Variants in LEP observed in about 807,000 individuals in gnomAD.
LEP encodes the protein leptin.
LEP carries 6 observed loss-of-function variants against 9.8 expected under a neutral mutation model. That is an observed-to-expected ratio of 0.61 (90% CI 0.34 to 1.21). The LOEUF (loss-of-function observed/expected upper bound fraction) is 1.21, where lower values mean the gene tolerates loss of function less well. LEP is among the 50% of genes most tolerant of loss of function. The pLI is 0.04. For synonymous variants in LEP, 112 were observed against 81.7 expected (o/e 1.37, Z -2.00); for missense variants, 134 against 198.1 (o/e 0.68, Z 1.94).
rs2116232347 is a variant in LEP at position 128,256,173 on chromosome 7, G to A, written c.*1410G>A. 6.6e-6 allele frequency: 1 copy of A among 152,396 alleles called. No individual in the cohort carries two copies. The highest frequency in any genetic ancestry group is 2.4e-5 in the African/African-American group (1 of 41,586). 9.4% of individuals were successfully genotyped at this position (152,396 alleles called of 1,614,324 possible). On this transcript the variant is annotated 3_prime_UTR_variant, in exon 3 of 3. Coordinates refer to ENST00000308868, the MANE Select transcript of LEP (RefSeq NM_000230.3). Reference sequence around the variant, plus strand: ...AGTGGTGAAGAAAACTCCTTTAGCAGGTGGTCCTGAGACCTGACAAGCACT... The same window carrying A: ...AGTGGTGAAGAAAACTCCTTTAGCAAGTGGTCCTGAGACCTGACAAGCACT...
rs1426080291 is a variant in LEP, at chr7:128,241,298, G to T, written c.-37G>T. The T allele has an allele frequency of 9.1e-5, 14 of 154,176 alleles. No individual in the cohort carries two copies. The allele number at this position is 154,176 out of a possible 1,614,324, so 9.6% of individuals were successfully genotyped here. Reference sequence around the variant, plus strand: ...GCCCCGTAGGAATCGCAGCGCCAGCGGTTGCAAGGTAAGGCCCCGGCGCGC... The same window carrying T: ...GCCCCGTAGGAATCGCAGCGCCAGCTGTTGCAAGGTAAGGCCCCGGCGCGC... On this transcript the variant is annotated 5_prime_UTR_variant, in exon 1 of 3. Transcript: ENST00000308868.
rs1314727911 is a variant in LEP, at chr7:128,254,936, T to A, written c.*173T>A. 1 of 710,812 alleles carries A rather than the reference T, an allele frequency of 1.4e-6. No homozygotes were observed. The highest frequency in any genetic ancestry group is 1.8e-5 in the African/African-American group (1 of 56,482). The allele number at this position is 710,812 out of a possible 1,614,324, so 44.0% of individuals were successfully genotyped here. A position where few individuals can be genotyped will look rare whatever the true frequency, so the allele number is the denominator to read the frequency against. The stretch of plus-strand genomic sequence containing the variant: ...AGGCATAAGACCCTAAGCCTCCTTT[T>A]GCTTGAAACCAAAGATATATACACA... On this transcript the variant is annotated 3_prime_UTR_variant, in exon 3 of 3. Transcript: ENST00000308868.
intron 1 of LEP, among the ~76,000 whole-genome samples, 178 bp downstream of exon 1, chr7:128,241,484 G>A (rs1399446231): frequency 2.0e-5 from 3 of 152,246 alleles, no homozygotes; most frequent in Non-Finnish European, 2.9e-5. Flanking sequence ...GTTACCGGGA[G>A]CTGGGGAGCG....
At chr7:128,247,670 T>C (rs913101171) in intron 1 of LEP, among the ~76,000 whole-genome samples, 1 of 152,208 alleles carries the variant, frequency 6.6e-6, no homozygotes, top group African/African-American at 2.4e-5. Context: ...ATCTCCTCCA[T>C]GATGCCTCCC....
intron 1 of LEP, among the ~76,000 whole-genome samples, chr7:128,248,438 GA>G (rs111544798): frequency 0.01 from 1,433 of 137,104 alleles, 20 homozygotes; most frequent in African/African-American, 0.032. Flanking sequence ...GTCTAAAAAA[GA>G]AAAAAAAAAA....
intron 2 of LEP, among the ~76,000 whole-genome samples, chr7:128,253,800 C>T (rs1215868470): frequency 1.3e-5 from 2 of 152,210 alleles, no homozygotes; most frequent in Non-Finnish European, 2.9e-5. Context: ...TGATAGATCC[C>T]GAGTGCCCCA....
chr7:128,255,895 A>C lies in LEP; in HGVS notation c.*1132A>C, dbSNP rs200020946. 1.3e-5 allele frequency: 2 copies of C among 152,216 alleles called. No individual in the cohort carries two copies. Among genetic ancestry groups the C allele is most frequent in the Non-Finnish European group, 2.9e-5 (2 of 68,040 alleles). The allele number at this position is 152,216 out of a possible 1,614,324, so 9.4% of individuals were successfully genotyped here. A position where few individuals can be genotyped will look rare whatever the true frequency, so the allele number is the denominator to read the frequency against. ...GAAAGCCATTTGTTGGGGCAGTGGT[A>C]AGCTCTGGCTTTCTCCGACTGCTAG... On this transcript the variant is annotated 3_prime_UTR_variant, in exon 3 of 3. Coordinates refer to ENST00000308868, the MANE Select transcript of LEP (RefSeq NM_000230.3).
At chr7:128,251,910 TG>T in intron 1 of LEP, 80 bp from the exon 2 acceptor site, 1 of 1,129,622 alleles carries the variant, frequency 8.9e-7, no homozygotes, top group Non-Finnish European at 1.4e-6. Flanking sequence ...CATCCCCGTC[TG>T]GTAATGTGGT....
intron 1 of LEP, among the ~76,000 whole-genome samples, chr7:128,244,391 A>G (rs1326070658): frequency 2.0e-5 from 3 of 152,224 alleles, no homozygotes; most frequent in Non-Finnish European, 2.9e-5. Context: ...TCTGCTGGTT[A>G]CATATGTTAA....
rs189428321 is a variant in LEP, at chr7:128,242,311, C to T, written c.-29+1005C>T. On this transcript the variant is annotated intron_variant, in intron 1 of 2. Coordinates refer to ENST00000308868, the MANE Select transcript of LEP (RefSeq NM_000230.3). ...CGTTCCAGGAGCACAGGCTCTCTTC[C>T]TTTGCAGTGCAGAATGACCTCTGGC... 1.1e-4 allele frequency among the ~76,000 whole-genome samples: 16 copies of T among 152,328 alleles called. No individual in the cohort carries two copies. The East Asian group carries it at 3.1e-3, about 29-fold the overall frequency.
intron 2 of LEP, 74 bp from the exon 3 acceptor site, chr7:128,254,330 G>C (rs28954112): frequency 2.5e-6 from 4 of 1,587,170 alleles, no homozygotes; most frequent in Non-Finnish European, 3.4e-6. Context: ...CCATGCCCAC[G>C]GGGAAGGCAG....
At position 128,254,354 on chromosome 7, in the gene LEP, C is replaced by T. The variant is rs17151914; in HGVS notation, c.145-50C>T. Reference sequence around the variant, plus strand: ...CGGGGAAGGCAGAGGGCTCTGAGAGCGATTCCTCCCACATGCTGAGCACTT... The same window carrying T: ...CGGGGAAGGCAGAGGGCTCTGAGAGTGATTCCTCCCACATGCTGAGCACTT... On this transcript the variant is annotated intron_variant, in intron 2 of 2. Coordinates refer to ENST00000308868, the MANE Select transcript of LEP (RefSeq NM_000230.3). 0.015 allele frequency: 23,883 copies of T among 1,604,972 alleles called. 637 individuals are homozygous for T. The highest frequency in any genetic ancestry group is 0.11 in the African/African-American group (8,139 of 74,916).
rs772575402 is a variant in LEP, at chr7:128,254,517, C to T, written c.258C>T (p.Leu86=). 5 of 1,614,108 alleles carry T rather than the reference C, an allele frequency of 3.1e-6. No individual in the cohort carries two copies. The highest frequency in any genetic ancestry group is 4.2e-6 in the Non-Finnish European group (5 of 1,180,052). Residue 86 remains leucine (L), a synonymous_variant, in exon 3 of 3, where the codon CTC becomes CTT. Transcript: ENST00000308868. ...CACTGGCAGTCTACCAACAGATCCTCACCAGTATGCCTTCCAGAAACGTGA... is the reference window on the plus strand; with the variant it reads ...CACTGGCAGTCTACCAACAGATCCTTACCAGTATGCCTTCCAGAAACGTGA... ...DQTLAVYQQI[L]TSMPSRNVIQ...
At chr7:128,249,188 T>C (rs1038630058) in intron 1 of LEP, among the ~76,000 whole-genome samples, 2 of 152,206 alleles carry the variant, frequency 1.3e-5, no homozygotes, top group East Asian at 1.9e-4. Flanking sequence ...TGTTGGCATG[T>C]GTTAAGTCGG....
chr7:128,242,825 G>C (rs1034042117), intron 1 of LEP, among the ~76,000 whole-genome samples: 1 of 152,192 alleles, frequency 6.6e-6, no homozygotes, highest in Non-Finnish European at 1.5e-5. Context: ...CATGCAGAGC[G>C]TGGAGGTGGC....
chr7:128,254,353 G>A, intron 2 of LEP, 51 bp from the exon 3 acceptor site: 1 of 1,605,310 alleles, frequency 6.2e-7, no homozygotes, highest in Non-Finnish European at 8.5e-7. Flanking sequence ...GGCTCTGAGA[G>A]CGATTCCTCC....
rs754347841 is a variant in LEP at position 128,254,508 on chromosome 7, A to G, written c.249A>G (p.Gln83=). ...SKMDQTLAVY[Q]QILTSMPSRN... ...TGGACCAGACACTGGCAGTCTACCA[A>G]CAGATCCTCACCAGTATGCCTTCCA... The change falls in exon 3 of 3, where the codon CAA becomes CAG. Residue 83 remains glutamine (Q), a synonymous_variant. Coordinates refer to ENST00000308868, the MANE Select transcript of LEP (RefSeq NM_000230.3). The G allele has an allele frequency of 4.3e-6, 7 of 1,614,148 alleles. No homozygotes were observed. The South Asian group carries it at 5.5e-5, about 13-fold the overall frequency.
chr7:128,247,594 G>C (rs1265049433), intron 1 of LEP, among the ~76,000 whole-genome samples: 3 of 152,040 alleles, frequency 2.0e-5, no homozygotes, highest in Non-Finnish European at 2.9e-5. Context: ...CCTCTGCCAG[G>C]GCTGCCCTCT....
intron 1 of LEP, among the ~76,000 whole-genome samples, chr7:128,247,159 G>C (rs1795220428): frequency 6.6e-6 from 1 of 152,216 alleles, no homozygotes; most frequent in Non-Finnish European, 1.5e-5. Context: ...GAGAGGTTTT[G>C]CAGCTCAGGC....
Sources: gnomAD v4.1 joint callset for allele counts (sites outside exome capture counted in the v4.1 genomes callset) on GRCh38, gnomAD v4.1.1 for gene constraint, MANE v1.5 for transcripts, NCBI Gene and HGNC (gene_info 2026-07-23, HGNC 2026-07-21) for gene names.